Variants in SLC25A25 observed in about 807,000 individuals in gnomAD.
The protein encoded by SLC25A25 is mitochondrial adenyl nucleotide antiporter SLC25A25.
A neutral mutation model predicts 57.7 loss-of-function variants in SLC25A25; 32 were observed. The observed-to-expected ratio is 0.55, with a 90% CI of 0.42 to 0.74. The LOEUF (loss-of-function observed/expected upper bound fraction) is 0.74, where lower values mean the gene tolerates loss of function less well. Ranked by LOEUF, SLC25A25 falls within the 30% of genes least tolerant of loss-of-function variation. The probability of loss-of-function intolerance (pLI) is 0.00; values close to 1 mark genes in which losing one functional copy is unlikely to be tolerated. For synonymous variants in SLC25A25, 306 were observed against 291.2 expected (o/e 1.05, Z -0.52); for missense variants, 556 against 701.3 (o/e 0.79, Z 2.34).
chr9:128,102,548 T>TC lies in SLC25A25; in HGVS notation c.624+71dup. 2.2e-6 allele frequency: 3 copies of TC among 1,333,508 alleles called. No individual in the cohort carries two copies. The highest frequency in any genetic ancestry group is 3.2e-6 in the Non-Finnish European group (3 of 951,980). 82.6% of individuals were successfully genotyped at this position (1,333,508 alleles called of 1,614,324 possible). A position where few individuals can be genotyped will look rare whatever the true frequency, so the allele number is the denominator to read the frequency against. On this transcript the variant is annotated intron_variant, in intron 5 of 10. Coordinates refer to ENST00000373069, the MANE Select transcript of SLC25A25 (RefSeq NM_001330988.2). This position sits in a 1 kb window ranked among gnomAD's most constrained non-coding sequence, Gnocchi z 4.1. ...CCCTTAGCCCAGAGTCACCCAGTCG[T>TC]CCCCATCCCAGAGTGCAGCTGGGGC...
At chr9:128,085,234 G>A (rs1039472234) in intron 1 of SLC25A25, among the ~76,000 whole-genome samples, 3 of 152,058 alleles carry the variant, frequency 2.0e-5, no homozygotes, top group Non-Finnish European at 4.4e-5. Flanking sequence ...GGGAGGCTGA[G>A]GCAGGAGAAT....
Position 128,103,815 on chromosome 9 carries a change from G to A in SLC25A25, c.759G>A (p.Leu253=). The stretch of plus-strand genomic sequence containing the variant: ...TATCCAGAACCTGCACGGCCCCCCT[G>A]GACAGGCTCAAGGTGCTCATGCAGG... The part of the protein sequence containing the change: ...GAVSRTCTAP[L]DRLKVLMQVH... Residue 253 remains leucine, a synonymous_variant, in exon 6 of 11, where the codon CTG becomes CTA. Transcript: ENST00000373069. This position sits in a 1 kb window ranked among gnomAD's most constrained non-coding sequence, Gnocchi z 6.7. 2 of 1,609,440 alleles carry A rather than the reference G, an allele frequency of 1.2e-6. No homozygotes were observed. The highest frequency in any genetic ancestry group is 1.7e-6 in the Non-Finnish European group (2 of 1,177,674).
chr9:128,092,183 C>A (rs1467592107), intron 1 of SLC25A25: 2 of 1,058,724 alleles, frequency 1.9e-6, no homozygotes, highest in Non-Finnish European at 2.5e-6. Flanking sequence ...AGGGAGAACT[C>A]ACAACGTTAG....
intron 1 of SLC25A25, among the ~76,000 whole-genome samples, chr9:128,070,967 A>AG (rs1832895191): frequency 1.4e-5 from 2 of 147,086 alleles, no homozygotes; most frequent in African/African-American, 2.4e-5. Flanking sequence ...AAAAAAAAAA[A>AG]AAAAAAGAAA....
At position 128,101,155 on chromosome 9, in the gene SLC25A25, C is replaced by G; in HGVS notation, c.321C>G (p.Val107=). 6.2e-7 allele frequency: 1 copy of G among 1,614,228 alleles called. No individual in the cohort carries two copies. The highest frequency in any genetic ancestry group is 8.5e-7 in the Non-Finnish European group (1 of 1,180,034). The change falls in exon 2 of 11, where the codon GTC becomes GTG. Residue 107 remains valine, a synonymous_variant. Coordinates refer to ENST00000373069, the MANE Select transcript of SLC25A25 (RefSeq NM_001330988.2). The surrounding 1 kb of genome is among the most constrained non-coding windows in gnomAD (Gnocchi z 4.9). ...GGCAGCTAGACTTTGAAGAATTTGTCCATTATCTCCAAGATCATGAGAAGA... is the reference window on the plus strand; with the variant it reads ...GGCAGCTAGACTTTGAAGAATTTGTGCATTATCTCCAAGATCATGAGAAGA... ...LDGQLDFEEF[V]HYLQDHEKKL...
At chr9:128,086,701 C>G (rs1833283861) in intron 1 of SLC25A25, among the ~76,000 whole-genome samples, 1 of 151,744 alleles carries the variant, frequency 6.6e-6, no homozygotes, top group Non-Finnish European at 1.5e-5. Flanking sequence ...GTCTGAAACT[C>G]CTGACTTCAA....
At chr9:128,068,842 G>T (rs1041786599) in intron 1 of SLC25A25, among the ~76,000 whole-genome samples, 2 of 152,210 alleles carry the variant, frequency 1.3e-5, no homozygotes, top group Non-Finnish European at 2.9e-5. Flanking sequence ...GCCCTTTCTT[G>T]CCCAGAGTAG....
intron 1 of SLC25A25, among the ~76,000 whole-genome samples, chr9:128,078,066 G>A (rs1368012918): frequency 6.6e-6 from 1 of 151,266 alleles, no homozygotes; most frequent in African/African-American, 2.4e-5. Context: ...ATGAGACCTG[G>A]GTTCAAATGT....
At chr9:128,079,456 C>G (rs1376257604) in intron 1 of SLC25A25, among the ~76,000 whole-genome samples, 1 of 146,766 alleles carries the variant, frequency 6.8e-6, no homozygotes, top group Non-Finnish European at 1.5e-5. Context: ...TAGTTTAGAT[C>G]ACCAAGAATA....
Position 128,107,253 on chromosome 9 carries a change from C to G in SLC25A25, c.1364-7C>G, listed in dbSNP as rs1834085870. 6.2e-7 allele frequency: 1 copy of G among 1,607,356 alleles called. No individual in the cohort carries two copies. The highest frequency in any genetic ancestry group is 1.3e-5 in the African/African-American group (1 of 74,798). On this transcript the variant is annotated splice_polypyrimidine_tract_variant and splice_region_variant and intron_variant, in intron 10 of 10. Coordinates refer to ENST00000373069, the MANE Select transcript of SLC25A25 (RefSeq NM_001330988.2). Reference sequence around the variant, plus strand: ...GAAGCATCTGACTGGTGGCCTCCATCCTGCAGCCTCTATTGAGGGCGCTCC... The same window carrying G: ...GAAGCATCTGACTGGTGGCCTCCATGCTGCAGCCTCTATTGAGGGCGCTCC...
At chr9:128,100,984 G>A (rs1833767463) in intron 1 of SLC25A25, 112 bp from the exon 2 acceptor site, 1 of 1,457,188 alleles carries the variant, frequency 6.9e-7, no homozygotes, top group East Asian at 2.4e-5. Flanking sequence ...GGGTCCTTGG[G>A]GCCAGCTCTG....
chr9:128,089,618 T>G (rs984457446), intron 1 of SLC25A25, among the ~76,000 whole-genome samples: 1 of 146,294 alleles, frequency 6.8e-6, no homozygotes, highest in Non-Finnish European at 1.5e-5. Context: ...ACCATCTTAC[T>G]TTCTCTCCAG....
intron 1 of SLC25A25, among the ~76,000 whole-genome samples, chr9:128,078,570 C>T (rs1211591167): frequency 6.6e-6 from 1 of 152,156 alleles, no homozygotes; most frequent in East Asian, 1.9e-4. Context: ...GTCTTTGGGG[C>T]CCGCATGCTT....
chr9:128,103,707 G>A lies in SLC25A25; in HGVS notation c.651G>A (p.Thr217=), dbSNP rs748832966. 48 of 1,614,080 alleles carry A rather than the reference G, an allele frequency of 3.0e-5. No homozygotes were observed. The South Asian group carries it at 3.1e-4, about 10-fold the overall frequency. ...STIFDVGENL[T]VPDEFTVEER... is the part of the protein sequence containing the mutation. ...TCTTTGATGTGGGTGAGAATCTAAC[G>A]GTCCCGGATGAGTTCACAGTGGAGG... The change falls in exon 6 of 11, where the codon ACG becomes ACA. Residue 217 remains threonine (T), a synonymous_variant. Coordinates refer to ENST00000373069, the MANE Select transcript of SLC25A25 (RefSeq NM_001330988.2). This position sits in a 1 kb window ranked among gnomAD's most constrained non-coding sequence, Gnocchi z 6.7.
Position 128,092,165 on chromosome 9 carries a change from G to A in SLC25A25, c.262-8931G>A. On this transcript the variant is annotated intron_variant, in intron 1 of 10. Coordinates refer to ENST00000373069, the MANE Select transcript of SLC25A25 (RefSeq NM_001330988.2). ...ATTTTCCTGGGGAAAAAACGAGTGT[G>A]GGGAGGAAGGGAGAACTCACAACGT... 3.3e-6 allele frequency: 5 copies of A among 1,534,414 alleles called. 1 individual carries two copies. The South Asian group carries it at 5.0e-5, about 15-fold the overall frequency.
In SLC25A25 at chr9:128,101,135, C is replaced by T. The variant is rs1426517193; in HGVS notation, c.301C>T (p.Leu101=). 4 of 1,614,244 alleles carry T rather than the reference C, an allele frequency of 2.5e-6. No homozygotes were observed. The East Asian group carries it at 6.7e-5, about 27-fold the overall frequency. The change falls in exon 2 of 11, where the codon CTA becomes TTA. Residue 101 remains leucine (L), a synonymous_variant. Coordinates refer to ENST00000373069, the MANE Select transcript of SLC25A25 (RefSeq NM_001330988.2). The surrounding 1 kb of genome is among the most constrained non-coding windows in gnomAD (Gnocchi z 4.9). ...TGGAGATAAGGACCTTGATGGGCAG[C>T]TAGACTTTGAAGAATTTGTCCATTA... is the stretch of plus-strand genomic sequence containing the variant. ...QAGDKDLDGQ[L]DFEEFVHYLQ... is the part of the protein sequence containing the mutation.
At chr9:128,075,358 C>G (rs1216414850) in intron 1 of SLC25A25, among the ~76,000 whole-genome samples, 1 of 151,962 alleles carries the variant, frequency 6.6e-6, no homozygotes, top group Non-Finnish European at 1.5e-5. Context: ...TGATCTGGAG[C>G]TTCAACTAGA....
At chr9:128,090,995 G>C (rs1377514845) in intron 1 of SLC25A25, 1 of 152,196 alleles carries the variant, frequency 6.6e-6, no homozygotes, top group African/African-American at 2.4e-5. Context: ...CTGGTCCTAG[G>C]GGTAGAAAGG....
At chr9:128,077,640 C>T (rs1199048619) in intron 1 of SLC25A25, among the ~76,000 whole-genome samples, 2 of 151,870 alleles carry the variant, frequency 1.3e-5, no homozygotes, top group Non-Finnish European at 2.9e-5. Flanking sequence ...GAGTGGGGTA[C>T]TGGCGGGTAG....
Sources: allele counts gnomAD v4.1 joint callset (sites outside exome capture counted in the v4.1 genomes callset), GRCh38; gene constraint gnomAD v4.1.1; non-coding constraint Gnocchi (gnomAD v3.1); transcripts MANE v1.5; gene names NCBI Gene and HGNC (gene_info 2026-07-23, HGNC 2026-07-21).